The following DYNC2I2 variants were observed in gnomAD, a reference collection of about 807,000 sequenced individuals.
DYNC2I2 encodes the protein cytoplasmic dynein 2 intermediate chain 2.
In DYNC2I2, 39 loss-of-function variants were observed where a neutral mutation model predicts 52.0. That is an observed-to-expected ratio of 0.75 (90% confidence interval 0.58 to 0.98). The LOEUF (loss-of-function observed/expected upper bound fraction) is 0.98, where lower values mean the gene tolerates loss of function less well. Among genes scored for constraint, DYNC2I2 ranks in the 50% least tolerant of loss-of-function variants. The pLI is 0.00. For synonymous variants in DYNC2I2, 359 were observed against 321.1 expected, an observed-to-expected ratio of 1.12 and a Z score of -1.26; for missense variants, 743 against 728.4, an observed-to-expected ratio of 1.02 and a Z score of -0.23.
At position 128,656,699 on chromosome 9, in the gene DYNC2I2, G is replaced by T; in HGVS notation, c.28C>A (p.Leu10Ile). ...ACACCAGCGCTTCCCGCCTGGCTGA[G>T]TGGCCCCGGCTGCGCGCGGGTTGCC... MATRAQPGP[L>I]SQAGSAGVAA... Residue 10 changes from leucine to isoleucine, a missense_variant, in exon 1 of 9, where the codon CTC (leucine) becomes ATC (isoleucine). By Grantham distance (5) the Leu-to-Ile change is conservative. Transcript: ENST00000372715. The T allele has an allele frequency of 6.8e-7, 1 of 1,469,914 alleles. No individual in the cohort carries two copies. 91.1% of individuals were successfully genotyped at this position (1,469,914 alleles called of 1,614,324 possible). A position where few individuals can be genotyped will look rare whatever the true frequency, so the allele number is the denominator to read the frequency against.
At position 128,634,911 on chromosome 9, in the gene DYNC2I2, C is replaced by T. The variant is rs1860351039; in HGVS notation, c.992G>A (p.Gly331Glu). The T allele has an allele frequency of 6.2e-7, 1 of 1,612,370 alleles. No homozygotes were observed. The highest frequency in any genetic ancestry group is 1.3e-5 in the African/African-American group (1 of 75,036). The change falls in exon 7 of 9, where the codon GGG (glycine) becomes GAG (glutamate). Residue 331 changes from glycine to glutamate, a missense_variant. Transcript: ENST00000372715. The part of the protein sequence containing the change: ...RSTKLKKHPR[G>E]ETEVGATAVA... ...TGCCGTGGCGCCCACCTCGGTCTCC[C>T]CGCGGGGATGCTGTGGAGAAATGGC...
rs1362443573 is a variant in DYNC2I2, at chr9:128,633,673, T to G, written c.*71A>C. On this transcript the variant is annotated 3_prime_UTR_variant, in exon 9 of 9. Coordinates refer to ENST00000372715, the MANE Select transcript of DYNC2I2 (RefSeq NM_052844.4). ...ATGACTTCCCCCAAAGCTTTGCTTT[T>G]CTTCATTTGGCTTGCGTCAGAAACA... 1 of 1,514,844 alleles carries G rather than the reference T, an allele frequency of 6.6e-7. No homozygotes were observed. The highest frequency in any genetic ancestry group is 1.2e-5 in the South Asian group (1 of 83,816). 93.8% of individuals were successfully genotyped at this position (1,514,844 alleles called of 1,614,324 possible). A position where few individuals can be genotyped will look rare whatever the true frequency, so the allele number is the denominator to read the frequency against.
At chr9:128,654,377 T>C (rs1415861123) in intron 1 of DYNC2I2, among the ~76,000 whole-genome samples, 2 of 152,168 alleles carry the variant, frequency 1.3e-5, no homozygotes, top group Non-Finnish European at 2.9e-5. Context: ...CACCCAATGC[T>C]GCTCATTTTC....
At chr9:128,660,394 G>C (rs987857396), upstream of DYNC2I2, among the ~76,000 whole-genome samples, 8 of 151,632 alleles carry the variant, frequency 5.3e-5, no homozygotes, top group Non-Finnish European at 8.8e-5. Flanking sequence ...ACAGGCATGA[G>C]CCACTGTGCC....
rs1589428326 is a variant in DYNC2I2, at chr9:128,634,877, G to A, written c.1026C>T (p.Phe342=). Residue 342 remains phenylalanine, a synonymous_variant, in exon 7 of 9, where the codon TTC becomes TTT. Transcript: ENST00000372715. The part of the protein sequence containing the change: ...ETEVGATAVA[F]SSFDPRLFIL... ...TGAACAGCCTAGGGTCAAAGCTGGA[G>A]AAGGCCACTGCCGTGGCGCCCACCT... 6.2e-7 allele frequency: 1 copy of A among 1,613,360 alleles called. No homozygotes were observed. Among genetic ancestry groups the A allele is most frequent in the Non-Finnish European group, 8.5e-7 (1 of 1,179,954 alleles).
intron 2 of DYNC2I2, among the ~76,000 whole-genome samples, chr9:128,638,461 G>A (rs1159203924): frequency 6.6e-6 from 1 of 151,406 alleles, no homozygotes; most frequent in East Asian, 1.9e-4. Context: ...AGGTTGCAGT[G>A]AGCCCAGATC....
intron 2 of DYNC2I2, among the ~76,000 whole-genome samples, chr9:128,639,900 A>G (rs1193134927): frequency 6.6e-6 from 1 of 152,116 alleles, no homozygotes; most frequent in Non-Finnish European, 1.5e-5. Flanking sequence ...TGCCAACCTC[A>G]GGTGATCCAC....
At chr9:128,670,230 G>A in the DYNC2I2 span, among the ~76,000 whole-genome samples, 1 of 152,008 alleles carries the variant, frequency 6.6e-6, no homozygotes, top group African/African-American at 2.4e-5. Context: ...CCGGAAGTCA[G>A]GAGTTTGGGA....
chr9:128,661,656 T>C (rs1321160368), upstream of DYNC2I2, among the ~76,000 whole-genome samples: 1 of 151,614 alleles, frequency 6.6e-6, no homozygotes, highest in Non-Finnish European at 1.5e-5. Flanking sequence ...GGGCGTGGTG[T>C]CAGGCACCTG....
the DYNC2I2 span, among the ~76,000 whole-genome samples, chr9:128,678,173 G>A: frequency 6.6e-5 from 10 of 151,228 alleles, no homozygotes; most frequent in East Asian, 1.4e-3. Context: ...GCATTCAAGC[G>A]TTTCTCCTGC....
At chr9:128,668,822 AG>A in the DYNC2I2 span, among the ~76,000 whole-genome samples, 1 of 151,376 alleles carries the variant, frequency 6.6e-6, no homozygotes, top group Non-Finnish European at 1.5e-5. Flanking sequence ...TCTAAAAAAA[AG>A]GAAAAAAAAA....
At chr9:128,661,304 C>CAAAAAAA (rs34937317), upstream of DYNC2I2, among the ~76,000 whole-genome samples, 3 of 62,214 alleles carry the variant, frequency 4.8e-5, no homozygotes, top group Non-Finnish European at 1.1e-4. Flanking sequence ...GACTCCATCT[C>CAAAAAAA]AAAAAAAAAA....
At chr9:128,658,923 G>A (rs1386621098), upstream of DYNC2I2, among the ~76,000 whole-genome samples, 1 of 151,480 alleles carries the variant, frequency 6.6e-6, no homozygotes. Context: ...GGGGGCAGGG[G>A]TCTCCCCGTG....
intron 1 of DYNC2I2, among the ~76,000 whole-genome samples, chr9:128,648,631 CAAAAAA>C (rs71381783): frequency 9.9e-5 from 12 of 121,314 alleles, no homozygotes; most frequent in Middle Eastern, 4.2e-3. Context: ...ACTAAAAATA[CAAAAAA>C]AAAAAAAAAA....
upstream of DYNC2I2, among the ~76,000 whole-genome samples, chr9:128,659,490 G>A (rs1232643949): frequency 1.5e-5 from 2 of 137,384 alleles, no homozygotes. Context: ...GGGAGACTCC[G>A]TCTCAAAAAA....
chr9:128,668,005 G>C, the DYNC2I2 span, among the ~76,000 whole-genome samples: 2 of 129,922 alleles, frequency 1.5e-5, no homozygotes, highest in African/African-American at 6.6e-5. Context: ...TCTGTCACCA[G>C]GCTGGAGTGC....
At chr9:128,672,702 G>T in the DYNC2I2 span, among the ~76,000 whole-genome samples, 1 of 152,040 alleles carries the variant, frequency 6.6e-6, no homozygotes, top group Non-Finnish European at 1.5e-5. Context: ...CACTACAGAA[G>T]AGCAACTGGA....
the DYNC2I2 span, among the ~76,000 whole-genome samples, chr9:128,667,616 C>A: frequency 1.3e-5 from 2 of 149,876 alleles, no homozygotes; most frequent in African/African-American, 4.9e-5. Context: ...TGACACCAGG[C>A]TGGAGTGCAG....
chr9:128,635,365 G>A lies in DYNC2I2; in HGVS notation c.814-106C>T, dbSNP rs1276931237. 2.2e-5 allele frequency: 30 copies of A among 1,381,382 alleles called. No homozygotes were observed. The Admixed American group carries it at 3.4e-4, about 16-fold the overall frequency. The allele number at this position is 1,381,382 out of a possible 1,614,324, so 85.6% of individuals were successfully genotyped here. A position where few individuals can be genotyped will look rare whatever the true frequency, so the allele number is the denominator to read the frequency against. ...CTTCCAGGAAAAAAAAAAATTCTCC[G>A]GGAGGCCCCAGAACCAGGCTCACCC... On this transcript the variant is annotated intron_variant, in intron 5 of 8. Transcript: ENST00000372715.
Sources: allele counts gnomAD v4.1 joint callset (sites outside exome capture counted in the v4.1 genomes callset), GRCh38; gene constraint gnomAD v4.1.1; transcripts MANE v1.5; gene names NCBI Gene and HGNC (gene_info 2026-07-23, HGNC 2026-07-21).